Variants in SEMA6A observed in about 807,000 individuals in gnomAD.
SEMA6A encodes the protein semaphorin 6A.
Under a neutral mutation model 96.8 loss-of-function variants are expected in SEMA6A, and 25 were observed. That is an observed-to-expected ratio of 0.26 (90% CI 0.19 to 0.36). SEMA6A has a LOEUF of 0.36. SEMA6A is among the 10% of genes least tolerant of loss of function. SEMA6A has a pLI of 1.00. For synonymous variants in SEMA6A, 612 were observed against 518.0 expected, an observed-to-expected ratio of 1.18 and a Z score of -2.46; for missense variants, 1,363 against 1,323.1, an observed-to-expected ratio of 1.03 and a Z score of -0.47.
chr5:116,470,602 A>G (rs769016672), intron 17 of SEMA6A, among the ~76,000 whole-genome samples: 3 of 152,252 alleles, frequency 2.0e-5, no homozygotes, highest in Non-Finnish European at 2.9e-5. Context: ...CACTAAATCA[A>G]TACAAGAGAG....
At chr5:116,466,663 T>A (rs1406789428) in intron 18 of SEMA6A, among the ~76,000 whole-genome samples, 2 of 152,222 alleles carry the variant, frequency 1.3e-5, no homozygotes, top group Non-Finnish European at 2.9e-5. Context: ...CAATAGCGAC[T>A]GTCTTCCAAG....
chr5:116,489,598 A>G (rs939010991), intron 7 of SEMA6A, among the ~76,000 whole-genome samples: 12 of 152,234 alleles, frequency 7.9e-5, no homozygotes, highest in Admixed American at 7.2e-4. Context: ...TCTGGTTTCA[A>G]TAACAGGTAT....
chr5:116,565,357 C>T (rs1004915612), intron 1 of SEMA6A, among the ~76,000 whole-genome samples: 4 of 152,218 alleles, frequency 2.6e-5, no homozygotes, highest in African/African-American at 9.7e-5. Flanking sequence ...TTTCCCAAGA[C>T]ACCCCAACAC....
chr5:116,479,247 C>A (rs182783555), intron 12 of SEMA6A, among the ~76,000 whole-genome samples: 1 of 152,218 alleles, frequency 6.6e-6, no homozygotes, highest in African/African-American at 2.4e-5. Context: ...GACCTGCAAG[C>A]CAAACAATAT....
chr5:116,465,697 G>A (rs929441135), intron 18 of SEMA6A, among the ~76,000 whole-genome samples: 1 of 152,120 alleles, frequency 6.6e-6, no homozygotes, highest in African/African-American at 2.4e-5. Context: ...TCCATTCCTT[G>A]GGGGGAGTTA....
rs753952234 is a variant in SEMA6A at position 116,467,606 on chromosome 5, G to T, written c.1871C>A (p.Ser624Tyr). 1 of 1,613,102 alleles carries T rather than the reference G, an allele frequency of 6.2e-7. No homozygotes were observed. Among genetic ancestry groups the T allele is most frequent in the East Asian group, 2.2e-5 (1 of 44,826 alleles). Reference protein sequence around the residue: ...DSTDPLGAVSSHNHQDKKGVI... With the variant: ...DSTDPLGAVSYHNHQDKKGVI... ...ACCCTTCTTGTCTTGGTGATTATGGGAAGACACTGCCCCCAAAGGGTCTGT... is the reference window on the plus strand; with the variant it reads ...ACCCTTCTTGTCTTGGTGATTATGGTAAGACACTGCCCCCAAAGGGTCTGT... Residue 624 changes from serine to tyrosine, a missense_variant, in exon 18 of 19, where the codon TCC becomes TAC. Ser to Tyr is a moderately radical substitution (Grantham distance 144). Transcript: ENST00000343348.
intron 1 of SEMA6A, among the ~76,000 whole-genome samples, chr5:116,565,149 T>C (rs1485970000): frequency 1.3e-5 from 2 of 152,228 alleles, no homozygotes; most frequent in African/African-American, 4.8e-5. Flanking sequence ...TTTATTTTTT[T>C]TGCCAGCAAG....
At chr5:116,466,897 A>C (rs974365753) in intron 18 of SEMA6A, among the ~76,000 whole-genome samples, 1 of 152,218 alleles carries the variant, frequency 6.6e-6, no homozygotes, top group Non-Finnish European at 1.5e-5. Flanking sequence ...AATGGCAAGA[A>C]AAGAGATGAC....
At chr5:116,485,187 G>T (rs758595735) in intron 10 of SEMA6A, among the ~76,000 whole-genome samples, 4 of 152,100 alleles carry the variant, frequency 2.6e-5, no homozygotes. Flanking sequence ...CTTAGGGGCC[G>T]TTTAAGAAAA....
At chr5:116,486,688 C>A (rs2287684) in intron 10 of SEMA6A, 61 bp downstream of exon 10, 116,734 of 1,381,600 alleles carry the variant, frequency 0.084, 5,248 homozygotes, top group East Asian at 0.13. Context: ...TAGAAGAGAA[C>A]CCCCTGGGAG....
chr5:116,536,896 C>CAAAAAAAAAAAAAAAAAAAAAA (rs1344678482), intron 1 of SEMA6A, among the ~76,000 whole-genome samples: 54 of 80,094 alleles, frequency 6.7e-4, no homozygotes, highest in African/African-American at 9.6e-4. Flanking sequence ...AAAAAAAAAG[C>CAAAAAAAAAAAAAAAAAAAAAA]AAAACTGGTG....
Position 116,535,953 on chromosome 5 carries a change from C to T in SEMA6A, c.-38-30971G>A, listed in dbSNP as rs544790111. Among the ~76,000 whole-genome samples the T allele has an allele frequency of 1.7e-3, 260 of 152,270 alleles. 3 individuals carry two copies. The highest frequency in any genetic ancestry group is 0.011 in the South Asian group (52 of 4,822). ...AAATGCTTAAAAAATTAAATACCAA[C>T]CCCCAAATAACTCAGTCAACTCAAT... On this transcript the variant is annotated intron_variant, in intron 1 of 18. Transcript: ENST00000343348.
chr5:116,565,508 A>G (rs1396761456), intron 1 of SEMA6A, among the ~76,000 whole-genome samples: 1 of 152,244 alleles, frequency 6.6e-6, no homozygotes, highest in Non-Finnish European at 1.5e-5. Flanking sequence ...CTCGAAAACC[A>G]TTAACAAGTA....
intron 1 of SEMA6A, among the ~76,000 whole-genome samples, chr5:116,515,977 A>G (rs1490656945): frequency 2.6e-5 from 4 of 152,134 alleles, no homozygotes; most frequent in Non-Finnish European, 4.4e-5. Flanking sequence ...TTGTTTGTCA[A>G]CATTTTTGGT....
At chr5:116,529,723 G>A (rs573354404) in intron 1 of SEMA6A, among the ~76,000 whole-genome samples, 18 of 152,216 alleles carry the variant, frequency 1.2e-4, no homozygotes, top group African/African-American at 3.8e-4. Context: ...ATTAGCTGAA[G>A]GCAAACTAAC....
At chr5:116,487,691 C>A (rs1757129313) in intron 9 of SEMA6A, among the ~76,000 whole-genome samples, 2 of 152,064 alleles carry the variant, frequency 1.3e-5, no homozygotes, top group South Asian at 4.2e-4. Flanking sequence ...TGGCGAAACC[C>A]TGTCTCTACT....
At chr5:116,496,138 C>G (rs1309792329) in intron 5 of SEMA6A, 113 bp downstream of exon 5, 4 of 892,982 alleles carry the variant, frequency 4.5e-6, no homozygotes, top group Non-Finnish European at 7.1e-6. Context: ...AAAGCAATTA[C>G]TGAGGGAAAA....
rs552826762 is a variant in SEMA6A, at chr5:116,466,222, A to G, written c.1894+1361T>C. Among the ~76,000 whole-genome samples the G allele has an allele frequency of 2.7e-5, 4 of 150,574 alleles. No individual in the cohort carries two copies. The South Asian group carries it at 8.4e-4, about 32-fold the overall frequency. On this transcript the variant is annotated intron_variant, in intron 18 of 18. Coordinates refer to ENST00000343348, the MANE Select transcript of SEMA6A (RefSeq NM_020796.5). ...CCTGTCACTACTAAAAAAAAAAAAT[A>G]CAAAAATTAGCCGGGCATGGTGGCG...
At position 116,475,536 on chromosome 5, in the gene SEMA6A, T is replaced by C; in HGVS notation, c.1708+9A>G. On this transcript the variant is annotated intron_variant, in intron 16 of 18. Coordinates refer to ENST00000343348, the MANE Select transcript of SEMA6A (RefSeq NM_020796.5). The stretch of plus-strand genomic sequence containing the variant: ...CCAAAGATAAAAATGGATAAAAGAC[T>C]GTACTTACTGTGACAGTCCCCCAGA... The C allele has an allele frequency of 6.3e-7, 1 of 1,586,724 alleles. No homozygotes were observed. The highest frequency in any genetic ancestry group is 8.6e-7 in the Non-Finnish European group (1 of 1,163,866).
Sources: allele counts gnomAD v4.1 joint callset (sites outside exome capture counted in the v4.1 genomes callset), GRCh38; gene constraint gnomAD v4.1.1; transcripts MANE v1.5; gene names NCBI Gene and HGNC (gene_info 2026-07-23, HGNC 2026-07-21).